BRINP3: variants seen among roughly 807,000 people sequenced by gnomAD.
BRINP3 encodes BMP/retinoic acid-inducible neural-specific protein 3.
Under a neutral mutation model 71.0 loss-of-function variants are expected in BRINP3, and 19 were observed. The ratio of observed to expected loss-of-function variants is 0.27; its 90% CI spans 0.19 to 0.39. The LOEUF (loss-of-function observed/expected upper bound fraction) is 0.39, where lower values mean the gene tolerates loss of function less well. Among genes scored for constraint, BRINP3 ranks in the 10% least tolerant of loss-of-function variants. The pLI, the probability that BRINP3 is intolerant of heterozygous loss-of-function variation, is 1.00. For missense variants in BRINP3, 959 were observed against 940.8 expected (o/e 1.02, Z -0.25); for synonymous variants, 380 against 337.7 (o/e 1.13, Z -1.37).
chr1:190,243,735 G>C (rs12140456), intron 4 of BRINP3, among the ~76,000 whole-genome samples: 58,326 of 151,956 alleles, frequency 0.38, 12,586 homozygotes, highest in Non-Finnish European at 0.49. Flanking sequence ...TACAGCCACT[G>C]TCTGGCCTGA....
At chr1:190,140,010 T>A (rs1008964228) in intron 7 of BRINP3, among the ~76,000 whole-genome samples, 10 of 152,202 alleles carry the variant, frequency 6.6e-5, no homozygotes, top group African/African-American at 2.2e-4. Context: ...AAAAGACAAT[T>A]TCTAACTTTG....
At chr1:190,328,163 C>A (rs922068831) in intron 2 of BRINP3, among the ~76,000 whole-genome samples, 1 of 151,876 alleles carries the variant, frequency 6.6e-6, no homozygotes, top group South Asian at 2.1e-4. Flanking sequence ...GAAAAAGAAA[C>A]AAAGTGACCC....
At chr1:190,140,505 T>A (rs974119663) in intron 7 of BRINP3, among the ~76,000 whole-genome samples, 11 of 152,174 alleles carry the variant, frequency 7.2e-5, no homozygotes, top group Non-Finnish European at 1.2e-4. Flanking sequence ...ATAAACCTAC[T>A]ATTAATTATT....
intron 5 of BRINP3, among the ~76,000 whole-genome samples, chr1:190,232,969 T>C (rs1558090698): frequency 6.6e-6 from 1 of 152,140 alleles, no homozygotes; most frequent in Non-Finnish European, 1.5e-5. Context: ...AAATCTATAA[T>C]TGATATTGAT....
intron 7 of BRINP3, among the ~76,000 whole-genome samples, chr1:190,121,862 T>C (rs1167737500): frequency 3.3e-5 from 5 of 152,104 alleles, no homozygotes; most frequent in Non-Finnish European, 7.4e-5. Context: ...ATTAGGAGTA[T>C]GTAAATAAAT....
chr1:190,324,290 C>T (rs1021570528), intron 2 of BRINP3, among the ~76,000 whole-genome samples: 2 of 151,788 alleles, frequency 1.3e-5, no homozygotes, highest in African/African-American at 4.8e-5. Context: ...ATTAATATGG[C>T]AGTTTCCAAA....
chr1:190,473,840 C>G (rs868642572), intron 1 of BRINP3, among the ~76,000 whole-genome samples: 62 of 150,790 alleles, frequency 4.1e-4, no homozygotes, highest in Admixed American at 5.3e-4. Context: ...TGGGGTTGTA[C>G]GCTACACTGC....
intron 6 of BRINP3, among the ~76,000 whole-genome samples, chr1:190,171,151 C>A (rs906252100): frequency 6.6e-6 from 1 of 152,110 alleles, no homozygotes; most frequent in African/African-American, 2.4e-5. Flanking sequence ...TTACCCTGGC[C>A]TAAGCGGTCA....
intron 2 of BRINP3, among the ~76,000 whole-genome samples, chr1:190,290,707 C>G (rs188290386): frequency 6.6e-6 from 1 of 152,186 alleles, no homozygotes; most frequent in East Asian, 1.9e-4. Flanking sequence ...GAGGTGTGTG[C>G]TCTTTTTATC....
chr1:190,251,557 A>C (rs922336945), intron 4 of BRINP3, among the ~76,000 whole-genome samples: 2 of 151,898 alleles, frequency 1.3e-5, no homozygotes, highest in African/African-American at 4.8e-5. Flanking sequence ...ATGCTGAACC[A>C]AGGGGTATGT....
At chr1:190,435,286 C>T (rs1251558153) in intron 2 of BRINP3, among the ~76,000 whole-genome samples, 1 of 152,018 alleles carries the variant, frequency 6.6e-6, no homozygotes, top group African/African-American at 2.4e-5. Context: ...TAAGATTGAG[C>T]TAGATACTTC....
At chr1:190,227,786 T>G (rs1657541305) in intron 5 of BRINP3, among the ~76,000 whole-genome samples, 1 of 151,882 alleles carries the variant, frequency 6.6e-6, no homozygotes, top group Non-Finnish European at 1.5e-5. Flanking sequence ...GTAATATTGT[T>G]TCATTGCAAA....
intron 2 of BRINP3, among the ~76,000 whole-genome samples, chr1:190,367,580 G>T (rs1428377183): frequency 6.6e-6 from 1 of 152,128 alleles, no homozygotes; most frequent in African/African-American, 2.4e-5. Context: ...CCAGAAAATG[G>T]GTTTTTCTTT....
intron 4 of BRINP3, among the ~76,000 whole-genome samples, chr1:190,239,886 C>T (rs1658889695): frequency 6.6e-6 from 1 of 151,696 alleles, no homozygotes; most frequent in Non-Finnish European, 1.5e-5. Context: ...TGAAATCTGA[C>T]ACTGAAAGAT....
At chr1:190,466,458 C>A (rs566807033) in intron 1 of BRINP3, among the ~76,000 whole-genome samples, 4 of 151,654 alleles carry the variant, frequency 2.6e-5, no homozygotes, top group Admixed American at 1.3e-4. Context: ...ATTTAAGGAG[C>A]TTTCAAAGAT....
intron 3 of BRINP3, among the ~76,000 whole-genome samples, chr1:190,266,958 G>GA (rs1453934315): frequency 2.0e-5 from 3 of 152,046 alleles, no homozygotes; most frequent in African/African-American, 7.2e-5. Flanking sequence ...TATTAAATGA[G>GA]AAAAAATAGC....
At chr1:190,406,226 A>T (rs1012192126) in intron 2 of BRINP3, among the ~76,000 whole-genome samples, 5 of 152,168 alleles carry the variant, frequency 3.3e-5, no homozygotes, top group African/African-American at 1.2e-4. Flanking sequence ...TCTACCACTG[A>T]TTCTTTGTGC....
intron 6 of BRINP3, among the ~76,000 whole-genome samples, chr1:190,225,119 C>T (rs1016867082): frequency 6.6e-6 from 1 of 151,868 alleles, no homozygotes; most frequent in Non-Finnish European, 1.5e-5. Context: ...AATCTCACTA[C>T]TGAATATATA....
intron 6 of BRINP3, among the ~76,000 whole-genome samples, chr1:190,192,708 T>A (rs942530809): frequency 1.5e-4 from 23 of 150,592 alleles, no homozygotes; most frequent in African/African-American, 5.6e-4. Flanking sequence ...ATTTTCTAGA[T>A]GCAAGAAAAA....
Sources: gnomAD v4.1 joint callset for allele counts (sites outside exome capture counted in the v4.1 genomes callset) on GRCh38, gnomAD v4.1.1 for gene constraint, MANE v1.5 for transcripts, NCBI Gene and HGNC (gene_info 2026-07-23, HGNC 2026-07-21) for gene names.